Variants in IFNLR1 observed in about 807,000 individuals in gnomAD.
The protein encoded by IFNLR1 is interferon lambda receptor 1.
Under a neutral mutation model 52.5 loss-of-function variants are expected in IFNLR1, and 28 were observed. That is an observed-to-expected ratio of 0.53 (90% CI 0.40 to 0.73). The LOEUF (loss-of-function observed/expected upper bound fraction) is 0.73. IFNLR1 is among the 30% of genes least tolerant of loss of function. The pLI is 0.00. For synonymous variants in IFNLR1, 276 were observed against 274.9 expected, an observed-to-expected ratio of 1.00 and a Z score of -0.04; for missense variants, 623 against 659.1, an observed-to-expected ratio of 0.95 and a Z score of 0.60.
At chr1:24,182,319 G>A (rs1346281767) in intron 1 of IFNLR1, among the ~76,000 whole-genome samples, 2 of 152,094 alleles carry the variant, frequency 1.3e-5, no homozygotes, top group African/African-American at 4.8e-5. Context: ...CCCTAATTTA[G>A]CTGGAGGCGA....
chr1:24,185,411 C>G (rs1459617963), intron 1 of IFNLR1, among the ~76,000 whole-genome samples: 3 of 152,210 alleles, frequency 2.0e-5, no homozygotes, highest in Non-Finnish European at 4.4e-5. Flanking sequence ...CATTCCTGCC[C>G]TATAGGAGCT....
rs1432491139 is a variant in IFNLR1, at chr1:24,161,372, T to C, written c.510+170A>G. On this transcript the variant is annotated intron_variant, in intron 4 of 6. Coordinates refer to ENST00000327535, the MANE Select transcript of IFNLR1 (RefSeq NM_170743.4). ...ACTTGGCAAGCAGGCCTCCTGTAGG[T>C]CATCATACTTTGATCAGATTTTATT... 6 of 703,870 alleles carry C rather than the reference T, an allele frequency of 8.5e-6. No individual in the cohort carries two copies. The Admixed American group carries it at 8.7e-5, about 10-fold the overall frequency. 43.6% of individuals were successfully genotyped at this position (703,870 alleles called of 1,614,324 possible).
rs777995099 is a variant in IFNLR1, at chr1:24,159,648, A to C, written c.511-15T>G. The C allele has an allele frequency of 3.7e-6, 6 of 1,613,348 alleles. No homozygotes were observed. The African/African-American group carries it at 8.0e-5, about 22-fold the overall frequency. On this transcript the variant is annotated splice_polypyrimidine_tract_variant and intron_variant, in intron 4 of 6. Coordinates refer to ENST00000327535, the MANE Select transcript of IFNLR1 (RefSeq NM_170743.4). ...GGAAATAGGGTCTGTTTGGAAAAGA[A>C]GCAGAGAGTGGCAGAGCTGCTGTGG...
At chr1:24,173,788 A>G (rs1466030565) in intron 2 of IFNLR1, among the ~76,000 whole-genome samples, 1 of 151,850 alleles carries the variant, frequency 6.6e-6, no homozygotes, top group Non-Finnish European at 1.5e-5. Context: ...TGGCAGGGCT[A>G]CAGGTGTACG....
rs1644423521 is a variant in IFNLR1, at chr1:24,159,747, T to TTTTGTTTTTTTTTG, written c.511-115_511-114insCAAAAAAAAACAAA. 3.9e-5 allele frequency: 37 copies of TTTTGTTTTTTTTTG among 954,620 alleles called. No individual in the cohort carries two copies. In the Admixed American group the frequency reaches 8.7e-4, roughly 22 times the overall value. 59.1% of individuals were successfully genotyped at this position (954,620 alleles called of 1,614,324 possible). ...GGGTGTTTTTTTTTTGTTTTTTTTT[T>TTTTGTTTTTTTTTG]TTGTTTTTTTGTAGGGGATAGGGTT... On this transcript the variant is annotated intron_variant, in intron 4 of 6. Transcript: ENST00000327535.
chr1:24,182,257 T>C (rs7540214), intron 1 of IFNLR1, among the ~76,000 whole-genome samples: 132,110 of 151,186 alleles, frequency 0.87, 57,845 homozygotes, highest in Admixed American at 0.91. Flanking sequence ...CCACGCCCAG[T>C]TCGCTGGCAT....
chr1:24,157,438 C>T lies in IFNLR1; in HGVS notation c.1255G>A (p.Asp419Asn). ...EKGPGQGPGG[D>N]GHQESLPPPE... ...GGTGGGAGAGATTCTTGGTGCCCAT[C>T]CCCACCCGGCCCTTGGCCTGGCCCC... is the stretch of plus-strand genomic sequence containing the variant. The change falls in exon 7 of 7, where the codon GAT (aspartate) becomes AAT (asparagine). Residue 419 changes from aspartate to asparagine, a missense_variant. Transcript: ENST00000327535. This position sits in a 1 kb window ranked among gnomAD's most constrained non-coding sequence, Gnocchi z 5.1. 3 of 1,614,150 alleles carry T rather than the reference C, an allele frequency of 1.9e-6. No homozygotes were observed. Among genetic ancestry groups the T allele is most frequent in the Non-Finnish European group, 2.5e-6 (3 of 1,180,004 alleles).
chr1:24,177,756 T>C (rs776220376), intron 2 of IFNLR1, among the ~76,000 whole-genome samples: 1 of 152,126 alleles, frequency 6.6e-6, no homozygotes, highest in African/African-American at 2.4e-5. Flanking sequence ...CACAAACCCT[T>C]TGGGCGAAAA....
At chr1:24,184,991 C>T (rs1452187934) in intron 1 of IFNLR1, among the ~76,000 whole-genome samples, 1 of 151,902 alleles carries the variant, frequency 6.6e-6, no homozygotes, top group Non-Finnish European at 1.5e-5. Flanking sequence ...TGCACTCCAG[C>T]CTGGGTGACA....
chr1:24,187,090 G>T, intron 1 of IFNLR1, 101 bp downstream of exon 1: 1 of 729,168 alleles, frequency 1.4e-6, no homozygotes, highest in Non-Finnish European at 2.0e-6. Flanking sequence ...TCGGGTGGCT[G>T]CGGACCCCGT....
intron 3 of IFNLR1, among the ~76,000 whole-genome samples, chr1:24,167,471 G>A (rs1472988214): frequency 6.6e-6 from 1 of 151,720 alleles, no homozygotes; most frequent in Non-Finnish European, 1.5e-5. Context: ...TGCAACCTCT[G>A]CTTCCCAAGT....
Position 24,159,198 on chromosome 1 carries a change from T to G in IFNLR1, c.671-16A>C. The G allele has an allele frequency of 6.2e-7, 1 of 1,613,518 alleles. No individual in the cohort carries two copies. Among genetic ancestry groups the G allele is most frequent in the South Asian group, 1.1e-5 (1 of 91,034 alleles). ...CAGTTGGCTTCTAAGGAAGGAAAAA[T>G]AACAATGAGAGAAACAACAATGGCT... On this transcript the variant is annotated splice_polypyrimidine_tract_variant and intron_variant, in intron 5 of 6. Coordinates refer to ENST00000327535, the MANE Select transcript of IFNLR1 (RefSeq NM_170743.4).
intron 6 of IFNLR1, among the ~76,000 whole-genome samples, chr1:24,158,378 G>A (rs913463323): frequency 6.6e-6 from 1 of 152,206 alleles, no homozygotes; most frequent in African/African-American, 2.4e-5. Context: ...ATGTCTACCC[G>A]AGGTTGTCAC....
chr1:24,160,891 C>CTT (rs200147448), intron 4 of IFNLR1, among the ~76,000 whole-genome samples: 2 of 143,394 alleles, frequency 1.4e-5, no homozygotes, highest in South Asian at 2.2e-4. Flanking sequence ...CCACACCCAG[C>CTT]TTTTTTTTTT....
At chr1:24,169,023 C>T (rs1049008677) in intron 3 of IFNLR1, among the ~76,000 whole-genome samples, 4 of 152,186 alleles carry the variant, frequency 2.6e-5, no homozygotes, top group Non-Finnish European at 5.9e-5. Context: ...GGATTACAGG[C>T]GTGAGCCACC....
intron 3 of IFNLR1, among the ~76,000 whole-genome samples, chr1:24,166,603 A>G (rs1225866569): frequency 6.6e-6 from 1 of 152,020 alleles, no homozygotes; most frequent in Non-Finnish European, 1.5e-5. Context: ...CTGGAATTCA[A>G]TGGAACAATC....
chr1:24,158,522 T>A lies in IFNLR1; in HGVS notation c.801+530A>T, dbSNP rs149346545. ...CCCCCATGCCCATCGGAGCCTCGCA[T>A]ATGCCCAAGCTGCCCCTGCCAGCCC... is the stretch of plus-strand genomic sequence containing the variant. On this transcript the variant is annotated intron_variant, in intron 6 of 6. Coordinates refer to ENST00000327535, the MANE Select transcript of IFNLR1 (RefSeq NM_170743.4). 2.2e-3 allele frequency among the ~76,000 whole-genome samples: 333 copies of A among 152,270 alleles called. 1 individual carries two copies. The highest frequency in any genetic ancestry group is 3.0e-3 in the Non-Finnish European group (207 of 68,004).
chr1:24,159,352 C>A, intron 5 of IFNLR1, 122 bp downstream of exon 5: 1 of 1,246,436 alleles, frequency 8.0e-7, no homozygotes, highest in Admixed American at 1.9e-5. Context: ...CCCAAAGACA[C>A]ACAATGAGTG....
intron 4 of IFNLR1, 140 bp downstream of exon 4, chr1:24,161,402 C>A: frequency 1.1e-6 from 1 of 897,292 alleles, no homozygotes; most frequent in Non-Finnish European, 1.7e-6. Context: ...TTTATTAGGG[C>A]TGACTGCCAG....
Sources: gnomAD v4.1 joint callset for allele counts (sites outside exome capture counted in the v4.1 genomes callset) on GRCh38, gnomAD v4.1.1 for gene constraint, Gnocchi (gnomAD v3.1) non-coding constraint, MANE v1.5 for transcripts, NCBI Gene and HGNC (gene_info 2026-07-23, HGNC 2026-07-21) for gene names.